PARD3B: variants seen among roughly 807,000 people sequenced by gnomAD.
PARD3B encodes the protein par-3 family cell polarity regulator beta, also known as partitioning defective 3 homolog B.
Under a neutral mutation model 130.2 loss-of-function variants are expected in PARD3B, and 103 were observed. That is an observed-to-expected ratio of 0.79 (90% CI 0.67 to 0.93). PARD3B has a LOEUF of 0.93. Among genes scored for constraint, PARD3B ranks in the 40% least tolerant of loss-of-function variants. The pLI is 0.00. For synonymous variants in PARD3B, 583 were observed against 553.2 expected (o/e 1.05, Z -0.76); for missense variants, 1,609 against 1,499.2 (o/e 1.07, Z -1.21).
rs900710307 is a variant in PARD3B at position 205,473,819 on chromosome 2, G to C, written c.3045-26077G>C. On this transcript the variant is annotated intron_variant, in intron 20 of 22. Transcript: ENST00000406610. This position sits in a 1 kb window ranked among gnomAD's most constrained non-coding sequence, Gnocchi z 4.9. ...AGTTCAACCTGTTGTCTTACGAAAGGGGAGATATTCTTTTCTTTGTTACGT... is the reference window on the plus strand; with the variant it reads ...AGTTCAACCTGTTGTCTTACGAAAGCGGAGATATTCTTTTCTTTGTTACGT... Among the ~76,000 whole-genome samples, 2 of 149,640 alleles carry C rather than the reference G, an allele frequency of 1.3e-5. No homozygotes were observed. Among genetic ancestry groups the C allele is most frequent in the Non-Finnish European group, 3.0e-5 (2 of 67,442 alleles).
intron 22 of PARD3B, among the ~76,000 whole-genome samples, chr2:205,576,030 G>A (rs1380770820): frequency 5.3e-5 from 8 of 152,186 alleles, no homozygotes; most frequent in Admixed American, 5.2e-4. Context: ...ATCCTTGTCA[G>A]CATTTGGTGT....
chr2:205,509,348 C>T (rs2050501821), intron 21 of PARD3B, among the ~76,000 whole-genome samples: 1 of 152,056 alleles, frequency 6.6e-6, no homozygotes, highest in South Asian at 2.1e-4. Context: ...AGCTATCTAA[C>T]CCCCTCCCTT....
At chr2:204,776,312 G>C (rs2041615590) in intron 2 of PARD3B, among the ~76,000 whole-genome samples, 1 of 152,086 alleles carries the variant, frequency 6.6e-6, no homozygotes, top group Admixed American at 6.6e-5. Flanking sequence ...GGTTTGATGG[G>C]ATGACAAGCA....
chr2:205,054,414 ATATATATATATATATATATATATTT>A (rs1699458815), intron 4 of PARD3B, among the ~76,000 whole-genome samples: 1 of 18,928 alleles, frequency 5.3e-5, no homozygotes, highest in Non-Finnish European at 1.3e-4. Context: ...TTATATATAT[ATATATATATATATATATATATATTT>A]TTTTTTTTTT....
chr2:204,608,597 T>C (rs774750470), intron 1 of PARD3B, among the ~76,000 whole-genome samples: 6 of 152,204 alleles, frequency 3.9e-5, no homozygotes, highest in Non-Finnish European at 7.3e-5. Flanking sequence ...TTAGCACAGA[T>C]AAATCAGTTG....
chr2:205,110,351 G>A (rs1703542860), intron 5 of PARD3B, among the ~76,000 whole-genome samples: 1 of 152,196 alleles, frequency 6.6e-6, no homozygotes, highest in Admixed American at 6.5e-5. Flanking sequence ...TGCCATTCAT[G>A]ACAGTCTCAT....
At chr2:204,601,127 C>A (rs149001422) in intron 1 of PARD3B, among the ~76,000 whole-genome samples, 506 of 151,936 alleles carry the variant, frequency 3.3e-3, no homozygotes, top group Non-Finnish European at 5.7e-3. Context: ...ATGCATATAA[C>A]CTCGTTTTCT....
At chr2:204,866,737 T>A (rs538678310) in intron 2 of PARD3B, among the ~76,000 whole-genome samples, 1 of 151,932 alleles carries the variant, frequency 6.6e-6, no homozygotes, top group Non-Finnish European at 1.5e-5. Flanking sequence ...ATATATATAT[T>A]TAAATCACCC....
At chr2:205,024,770 TA>T (rs1413739031) in intron 3 of PARD3B, among the ~76,000 whole-genome samples, 1 of 152,178 alleles carries the variant, frequency 6.6e-6, no homozygotes, top group Non-Finnish European at 1.5e-5. Context: ...ACAAAAGAAA[TA>T]AGTTGTATAT....
rs117647439 is a variant in PARD3B, at chr2:205,602,985, G to A, written c.3261-12471G>A. Among the ~76,000 whole-genome samples, 240 of 152,066 alleles carry A rather than the reference G, an allele frequency of 1.6e-3. 4 individuals are homozygous for A. In the East Asian group the frequency reaches 0.037, roughly 23 times the overall value. ...CAATTTGAGATCTTTCTAGCTTTTT[G>A]GTGTGGGCATTAGTGCTATAAATTT... is the stretch of plus-strand genomic sequence containing the variant. On this transcript the variant is annotated intron_variant, in intron 22 of 22. Coordinates refer to ENST00000406610, the MANE Select transcript of PARD3B (RefSeq NM_001302769.2).
rs181268144 is a variant in PARD3B, at chr2:205,084,340, A to T, written c.505-20086A>T. Among the ~76,000 whole-genome samples, 6 of 152,182 alleles carry T rather than the reference A, an allele frequency of 3.9e-5. No homozygotes were observed. The East Asian group carries it at 1.2e-3, about 29-fold the overall frequency. On this transcript the variant is annotated intron_variant, in intron 4 of 22. Coordinates refer to ENST00000406610, the MANE Select transcript of PARD3B (RefSeq NM_001302769.2). The stretch of plus-strand genomic sequence containing the variant: ...CATTCCCTGAATTTTCTGTAGTTAG[A>T]TCTAGAGGCTTGATTGGATTCAGGA...
intron 8 of PARD3B, 67 bp from the exon 9 acceptor site, chr2:205,124,260 T>C (rs1238257879): frequency 4.0e-6 from 5 of 1,252,618 alleles, no homozygotes; most frequent in Non-Finnish European, 5.3e-6. Flanking sequence ...TAGATCTTAC[T>C]GTAAGACTGA....
chr2:205,566,032 G>T (rs79681790), intron 22 of PARD3B, among the ~76,000 whole-genome samples: 1 of 152,110 alleles, frequency 6.6e-6, no homozygotes, highest in Non-Finnish European at 1.5e-5. Context: ...AATAAATAAG[G>T]AATATTCCAG....
At position 205,302,065 on chromosome 2, in the gene PARD3B, C is replaced by CTTTTTTTTTTTTTTTTT. The variant is rs3048088; in HGVS notation, c.2630+371_2630+387dup. Among the ~76,000 whole-genome samples, 11 of 77,780 alleles carry CTTTTTTTTTTTTTTTTT rather than the reference C, an allele frequency of 1.4e-4. 1 individual carries two copies. The highest frequency in any genetic ancestry group is 3.2e-4 in the African/African-American group (6 of 18,884). 51.0% of individuals were successfully genotyped at this position (77,780 alleles called of 152,430 possible). On this transcript the variant is annotated intron_variant, in intron 18 of 22. Coordinates refer to ENST00000406610, the MANE Select transcript of PARD3B (RefSeq NM_001302769.2). The stretch of plus-strand genomic sequence containing the variant: ...CTATTCTTTTTTTCTTTTTTCTTTT[C>CTTTTTTTTTTTTTTTTT]TTTTTTTTTTTTTTTTTTTTTTTGA...
rs2040613518 is a variant in PARD3B, at chr2:205,268,898, T to A, written c.2185+23076T>A. On this transcript the variant is annotated intron_variant, in intron 16 of 22. Coordinates refer to ENST00000406610, the MANE Select transcript of PARD3B (RefSeq NM_001302769.2). The surrounding 1 kb of genome is among the most constrained non-coding windows in gnomAD (Gnocchi z 4.1). The stretch of plus-strand genomic sequence containing the variant: ...GAGACTGTCTTACCAGTGATGTTAT[T>A]TGCGGACTAAAGTTTCTCAAAAGGA... Among the ~76,000 whole-genome samples, 1 of 152,148 alleles carries A rather than the reference T, an allele frequency of 6.6e-6. No individual in the cohort carries two copies. Among genetic ancestry groups the A allele is most frequent in the Admixed American group, 6.5e-5 (1 of 15,272 alleles).
intron 2 of PARD3B, among the ~76,000 whole-genome samples, chr2:204,863,982 A>C (rs10189739): frequency 0.075 from 11,412 of 152,194 alleles, 984 homozygotes; most frequent in African/African-American, 0.21. Flanking sequence ...AAAAAAGTTT[A>C]AGTGTATCAC....
chr2:205,156,006 C>T (rs1309979623), intron 10 of PARD3B, among the ~76,000 whole-genome samples: 2 of 151,966 alleles, frequency 1.3e-5, no homozygotes, highest in African/African-American at 4.8e-5. Context: ...AGACTTGGAA[C>T]CAACCCAAAT....
At chr2:205,170,074 G>T (rs935393617) in intron 11 of PARD3B, among the ~76,000 whole-genome samples, 2 of 151,882 alleles carry the variant, frequency 1.3e-5, no homozygotes, top group African/African-American at 2.4e-5. Context: ...GGGATTACAG[G>T]CATGCACCAC....
chr2:205,084,988 C>A (rs1701660553), intron 4 of PARD3B, among the ~76,000 whole-genome samples: 1 of 152,040 alleles, frequency 6.6e-6, no homozygotes, highest in South Asian at 2.1e-4. Flanking sequence ...AAGTTTCTAG[C>A]TGTTCTGCTT....
Sources: gnomAD v4.1 joint callset for allele counts (sites outside exome capture counted in the v4.1 genomes callset) on GRCh38, gnomAD v4.1.1 for gene constraint, Gnocchi (gnomAD v3.1) non-coding constraint, MANE v1.5 for transcripts, NCBI Gene and HGNC (gene_info 2026-07-23, HGNC 2026-07-21) for gene names.